Variants in DLG2 observed in about 807,000 individuals in gnomAD.
DLG2 encodes discs large MAGUK scaffold protein 2, also known as disks large homolog 2.
DLG2 carries 45 observed loss-of-function variants against 132.5 expected under a neutral mutation model. The observed-to-expected ratio is 0.34, with a 90% CI of 0.27 to 0.44. DLG2 has a LOEUF of 0.44. Among genes scored for constraint, DLG2 ranks in the 20% least tolerant of loss-of-function variants. DLG2 has a pLI of 1.00. For missense variants in DLG2, 1,045 were observed against 1,196.9 expected, an observed-to-expected ratio of 0.87 and a Z score of 1.87; for synonymous variants, 424 against 419.6, an observed-to-expected ratio of 1.01 and a Z score of -0.13.
At chr11:83,724,809 T>C in intron 18 of DLG2, 2 of 701,924 alleles carry the variant, frequency 2.8e-6, no homozygotes, top group Non-Finnish European at 5.2e-6. Context: ...CTCCCCCACA[T>C]GGTCTGTCAA....
chr11:84,024,333 C>A (rs2095482058), intron 11 of DLG2, among the ~76,000 whole-genome samples: 2 of 152,092 alleles, frequency 1.3e-5, no homozygotes, highest in Non-Finnish European at 2.9e-5. Context: ...AGAAATACAG[C>A]CTTGCAGCCT....
chr11:83,867,359 T>C (rs928383693), intron 16 of DLG2, among the ~76,000 whole-genome samples: 1 of 152,194 alleles, frequency 6.6e-6, no homozygotes, highest in Non-Finnish European at 1.5e-5. Context: ...TATCAGTTAC[T>C]ATTAAATTAA....
In DLG2 at chr11:83,498,092, T is replaced by G. The variant is rs564924002; in HGVS notation, c.2194-13864A>C. 6.6e-5 allele frequency among the ~76,000 whole-genome samples: 10 copies of G among 152,242 alleles called. No homozygotes were observed. In the East Asian group the frequency reaches 1.9e-3, roughly 29 times the overall value. ...GTTTAAATTTAGTTGTACTATACTT[T>G]TCTGTATAATTTTAATTCCGATTTT... On this transcript the variant is annotated intron_variant, in intron 21 of 27. Transcript: ENST00000376104.
At chr11:83,813,860 T>A (rs2048063756) in intron 17 of DLG2, among the ~76,000 whole-genome samples, 1 of 152,144 alleles carries the variant, frequency 6.6e-6, no homozygotes, top group African/African-American at 2.4e-5. Context: ...CCACATGTAT[T>A]ATCAATTTCT....
At chr11:85,206,530 G>C (rs2081905928) in intron 4 of DLG2, among the ~76,000 whole-genome samples, 1 of 151,968 alleles carries the variant, frequency 6.6e-6, no homozygotes, top group Non-Finnish European at 1.5e-5. Flanking sequence ...CCAAATACAT[G>C]GTATATAAGT....
intron 7 of DLG2, among the ~76,000 whole-genome samples, chr11:84,293,911 A>G (rs1178963162): frequency 1.3e-5 from 2 of 152,308 alleles, no homozygotes; most frequent in African/African-American, 2.4e-5. Context: ...TTCTACAGAA[A>G]AAAACAAAAT....
rs1313903575 is a variant in DLG2 at position 84,272,323 on chromosome 11, T to C, written c.520-21032A>G. On this transcript the variant is annotated intron_variant, in intron 7 of 27. Coordinates refer to ENST00000376104, the MANE Select transcript of DLG2 (RefSeq NM_001142699.3). ...CAACTGTTGAAAGAAGCATATCTCTTGAGTTTCTATGTCAGAAATAATGTT... is the reference window on the plus strand; with the variant it reads ...CAACTGTTGAAAGAAGCATATCTCTCGAGTTTCTATGTCAGAAATAATGTT... 15 of 425,106 alleles carry C rather than the reference T, an allele frequency of 3.5e-5. No homozygotes were observed. The Admixed American group carries it at 3.8e-4, about 11-fold the overall frequency. The allele number at this position is 425,106 out of a possible 1,614,324, so 26.3% of individuals were successfully genotyped here.
chr11:84,725,546 C>T (rs1269347353), intron 6 of DLG2, among the ~76,000 whole-genome samples: 2 of 152,092 alleles, frequency 1.3e-5, no homozygotes, highest in African/African-American at 2.4e-5. Flanking sequence ...TTTCTGCCAT[C>T]AATGAGTTTA....
chr11:83,484,023 T>G, intron 22 of DLG2, 106 bp downstream of exon 22: 6 of 868,354 alleles, frequency 6.9e-6, no homozygotes, highest in Non-Finnish European at 1.1e-5. Flanking sequence ...GCCTGCTGTG[T>G]TGTTTGCCTA....
rs201453280 is a variant in DLG2 at position 85,066,379 on chromosome 11, T to C, written c.357+45282A>G. Among the ~76,000 whole-genome samples, 4 of 151,562 alleles carry C rather than the reference T, an allele frequency of 2.6e-5. No individual in the cohort carries two copies. In the East Asian group the frequency reaches 7.8e-4, roughly 29 times the overall value. On this transcript the variant is annotated intron_variant, in intron 6 of 27. Transcript: ENST00000376104. ...ATTTTACCAGATGTACAAAAGACAG[T>C]GGTACAAACGCTATTGAAATTGTTC...
chr11:85,025,013 C>T (rs1325866623), intron 6 of DLG2, among the ~76,000 whole-genome samples: 1 of 152,120 alleles, frequency 6.6e-6, no homozygotes, highest in Non-Finnish European at 1.5e-5. Context: ...TAAAAATCAC[C>T]ACCATATTTA....
intron 6 of DLG2, among the ~76,000 whole-genome samples, chr11:84,939,793 T>C (rs1404289625): frequency 1.3e-5 from 2 of 152,234 alleles, no homozygotes; most frequent in African/African-American, 4.8e-5. Context: ...CCATTGTGTA[T>C]ATGTAAAACA....
intron 18 of DLG2, among the ~76,000 whole-genome samples, chr11:83,753,151 G>A (rs1295461730): frequency 6.6e-6 from 1 of 152,174 alleles, no homozygotes; most frequent in Non-Finnish European, 1.5e-5. Flanking sequence ...GGCCGGGCGT[G>A]GTGGCTCACA....
intron 8 of DLG2, among the ~76,000 whole-genome samples, chr11:84,168,204 C>T (rs1243233766): frequency 6.6e-6 from 1 of 152,208 alleles, no homozygotes; most frequent in African/African-American, 2.4e-5. Context: ...ATTAAGGCCT[C>T]ATACAAGAGT....
chr11:83,988,811 G>A (rs2093520033), intron 11 of DLG2, among the ~76,000 whole-genome samples: 1 of 152,008 alleles, frequency 6.6e-6, no homozygotes, highest in Non-Finnish European at 1.5e-5. Flanking sequence ...GCTGTCCCCT[G>A]ACTATATATA....
chr11:84,788,208 A>G (rs1003873793), intron 6 of DLG2, among the ~76,000 whole-genome samples: 2 of 151,996 alleles, frequency 1.3e-5, no homozygotes, highest in Non-Finnish European at 2.9e-5. Context: ...CAAAAATAGT[A>G]AAACAAAATC....
At chr11:83,521,379 A>AAAG (rs1453101278) in intron 21 of DLG2, among the ~76,000 whole-genome samples, 14 of 152,310 alleles carry the variant, frequency 9.2e-5, no homozygotes, top group African/African-American at 3.4e-4. Context: ...TCAATTTTAA[A>AAAG]AAGTTTACTT....
chr11:84,865,083 A>G (rs2084344776), intron 6 of DLG2, among the ~76,000 whole-genome samples: 1 of 152,170 alleles, frequency 6.6e-6, no homozygotes, highest in African/African-American at 2.4e-5. Flanking sequence ...TTAGGATTCT[A>G]TTCATAACAA....
At chr11:84,955,081 A>G (rs1402265335) in intron 6 of DLG2, among the ~76,000 whole-genome samples, 1 of 152,194 alleles carries the variant, frequency 6.6e-6, no homozygotes, top group African/African-American at 2.4e-5. Flanking sequence ...CTTTGTTTAC[A>G]AAAACAAATG....
Sources: allele counts gnomAD v4.1 joint callset (sites outside exome capture counted in the v4.1 genomes callset), GRCh38; gene constraint gnomAD v4.1.1; transcripts MANE v1.5; gene names NCBI Gene and HGNC (gene_info 2026-07-23, HGNC 2026-07-21).